Variants in DRICH1 observed in about 807,000 individuals in gnomAD.
DRICH1 encodes the protein aspartate-rich protein 1.
Under a neutral mutation model 39.5 loss-of-function variants are expected in DRICH1, and 38 were observed. The observed-to-expected ratio is 0.96, with a 90% CI of 0.74 to 1.26. The LOEUF is 1.26. DRICH1 is among the 50% of genes most tolerant of loss of function. DRICH1 has a pLI of 0.00. For missense variants in DRICH1, 279 were observed against 270.4 expected (o/e 1.03, Z -0.22); for synonymous variants, 84 against 99.5 (o/e 0.84, Z 0.93).
the DRICH1 span, among the ~76,000 whole-genome samples, chr22:23,596,460 C>T: frequency 0.019 from 2,957 of 152,202 alleles, 73 homozygotes; most frequent in Non-Finnish European, 0.022. Flanking sequence ...CTCATTTTGT[C>T]GCCCAGGCTG....
At chr22:23,596,921 T>G in the DRICH1 span, among the ~76,000 whole-genome samples, 1 of 151,700 alleles carries the variant, frequency 6.6e-6, no homozygotes, top group Admixed American at 6.6e-5. Flanking sequence ...TGTCTCATTG[T>G]TCTAGCCAGT....
At chr22:23,618,643 G>A (rs1927522374) in intron 6 of DRICH1, among the ~76,000 whole-genome samples, 1 of 152,082 alleles carries the variant, frequency 6.6e-6, no homozygotes, top group Admixed American at 6.6e-5. Flanking sequence ...CACAGAGCCT[G>A]CTCTACCTGT....
chr22:23,616,873 A>G lies in DRICH1; in HGVS notation c.521T>C (p.Ile174Thr). Residue 174 changes from isoleucine to threonine, a missense_variant and splice_region_variant, in exon 8 of 12, where the codon ATT (isoleucine) becomes ACT (threonine). Coordinates refer to ENST00000317749, the MANE Select transcript of DRICH1 (RefSeq NM_016449.4). ...DCDDDDDDAQ[I>T]LPSPVQACSE... is the part of the protein sequence containing the mutation. The stretch of plus-strand genomic sequence containing the variant: ...CATACCCTGGACAGGTGACGGTAAA[A>G]TCTGCAATGAGATAAAAGAAGATGC... The G allele has an allele frequency of 6.2e-7, 1 of 1,614,082 alleles. No homozygotes were observed. Among genetic ancestry groups the G allele is most frequent in the Non-Finnish European group, 8.5e-7 (1 of 1,179,918 alleles).
In DRICH1 at chr22:23,624,873, A is replaced by G; in HGVS notation, c.298+10T>C. 1 of 1,613,000 alleles carries G rather than the reference A, an allele frequency of 6.2e-7. No individual in the cohort carries two copies. Among genetic ancestry groups the G allele is most frequent in the Non-Finnish European group, 8.5e-7 (1 of 1,179,024 alleles). ...GTTTCTCAGAAAGTGAGTTAGTTCA[A>G]GGTACGTACCCTGGACAGGTGATGG... On this transcript the variant is annotated intron_variant, in intron 3 of 11. Coordinates refer to ENST00000317749, the MANE Select transcript of DRICH1 (RefSeq NM_016449.4).
chr22:23,582,634 C>T, the DRICH1 span, among the ~76,000 whole-genome samples: 9 of 151,400 alleles, frequency 5.9e-5, no homozygotes, highest in Non-Finnish European at 1.0e-4. Flanking sequence ...GGTGCTATCT[C>T]GGCTCACTGT....
the DRICH1 span, among the ~76,000 whole-genome samples, chr22:23,588,287 C>T: frequency 1.3e-5 from 2 of 152,130 alleles, no homozygotes; most frequent in African/African-American, 4.8e-5. Flanking sequence ...TGGCCACACC[C>T]AGCTAATTTT....
chr22:23,625,032 G>C, intron 2 of DRICH1, 128 bp from the exon 3 acceptor site: 1 of 1,054,576 alleles, frequency 9.5e-7, no homozygotes. Context: ...CCATGTCAAA[G>C]ACAAAACACT....
upstream of DRICH1, chr22:23,632,672 C>T (rs998056595): frequency 7.6e-6 from 1 of 131,042 alleles, no homozygotes; most frequent in African/African-American, 2.8e-5. Flanking sequence ...CTTTGGGAGG[C>T]TGAGCGGGGG....
the DRICH1 span, among the ~76,000 whole-genome samples, chr22:23,586,619 C>T: frequency 1.3e-5 from 2 of 152,376 alleles, no homozygotes; most frequent in East Asian, 3.9e-4. Flanking sequence ...TCTCGGCTCA[C>T]TGCAACCTCC....
chr22:23,581,374 C>T, the DRICH1 span: 1 of 152,232 alleles, frequency 6.6e-6, no homozygotes, highest in Non-Finnish European at 1.5e-5. Flanking sequence ...GGACTGAGCA[C>T]CTGTGCTGGG....
rs760948446 is a variant in DRICH1 at position 23,624,921 on chromosome 22, GA to G, written c.277-18del. 41 of 1,612,268 alleles carry G rather than the reference GA, an allele frequency of 2.5e-5. No individual in the cohort carries two copies. The highest frequency in any genetic ancestry group is 3.4e-5 in the Non-Finnish European group (40 of 1,178,932). Reference sequence around the variant, plus strand: ...TGGTAAAATCTGCAATGAGACAAAAGAAGATGCTATGAGGATCAGATCAATT... The same window carrying G: ...TGGTAAAATCTGCAATGAGACAAAAGAGATGCTATGAGGATCAGATCAATT... On this transcript the variant is annotated intron_variant, in intron 2 of 11. Coordinates refer to ENST00000317749, the MANE Select transcript of DRICH1 (RefSeq NM_016449.4).
At chr22:23,608,449 G>T (rs1926853505), downstream of DRICH1, 2 of 445,492 alleles carry the variant, frequency 4.5e-6, no homozygotes, top group Non-Finnish European at 8.2e-6. Context: ...CTCTGCACCT[G>T]AATAAATGCA....
chr22:23,596,157 C>T, the DRICH1 span, among the ~76,000 whole-genome samples: 2 of 152,306 alleles, frequency 1.3e-5, no homozygotes, highest in African/African-American at 4.8e-5. Flanking sequence ...CCTTCATCTC[C>T]TTTCTGTCTC....
chr22:23,601,640 T>A, the DRICH1 span, among the ~76,000 whole-genome samples: 1 of 152,178 alleles, frequency 6.6e-6, no homozygotes, highest in Non-Finnish European at 1.5e-5. Flanking sequence ...TCTTGCTGTA[T>A]CAATGTCAAT....
intron 11 of DRICH1, among the ~76,000 whole-genome samples, chr22:23,611,342 C>T (rs1456965571): frequency 6.6e-6 from 1 of 151,744 alleles, no homozygotes; most frequent in Admixed American, 6.6e-5. Context: ...AAGGAGACAA[C>T]ATACAGAAGT....
intron 4 of DRICH1, 54 bp from the exon 5 acceptor site, chr22:23,620,669 C>G: frequency 6.3e-7 from 1 of 1,589,408 alleles, no homozygotes. Flanking sequence ...CTGCTGCACC[C>G]CTTACACAGA....
intron 11 of DRICH1, among the ~76,000 whole-genome samples, chr22:23,609,213 C>T (rs577067777): frequency 1.5e-5 from 2 of 137,390 alleles, no homozygotes; most frequent in African/African-American, 5.5e-5. Flanking sequence ...TGGAGGGAGG[C>T]TGCTGTGTTG....
At chr22:23,599,446 G>T in the DRICH1 span, among the ~76,000 whole-genome samples, 2 of 152,120 alleles carry the variant, frequency 1.3e-5, no homozygotes, top group African/African-American at 4.8e-5. Context: ...TCTCTCCCTT[G>T]TCCCCTGCCC....
downstream of DRICH1, among the ~76,000 whole-genome samples, chr22:23,603,612 G>C (rs989318312): frequency 6.6e-6 from 1 of 151,980 alleles, no homozygotes; most frequent in African/African-American, 2.4e-5. Flanking sequence ...ACAGCCCTTG[G>C]TCTCCTCTCC....
Sources: gnomAD v4.1 joint callset for allele counts (sites outside exome capture counted in the v4.1 genomes callset) on GRCh38, gnomAD v4.1.1 for gene constraint, MANE v1.5 for transcripts, NCBI Gene and HGNC (gene_info 2026-07-23, HGNC 2026-07-21) for gene names.